Variants in STAG1 observed in about 807,000 individuals in gnomAD.
The protein encoded by STAG1 is STAG1 cohesin complex component, also known as cohesin subunit SA-1.
STAG1 carries 26 observed loss-of-function variants against 170.9 expected under a neutral mutation model. That is an observed-to-expected ratio of 0.15 (90% CI 0.11 to 0.21). STAG1 has a LOEUF of 0.21. STAG1 is among the 10% of genes least tolerant of loss of function. STAG1 has a pLI of 1.00. For synonymous variants in STAG1, 514 were observed against 497.7 expected, an observed-to-expected ratio of 1.03 and a Z score of -0.44; for missense variants, 964 against 1,509.5, an observed-to-expected ratio of 0.64 and a Z score of 5.99.
chr3:136,650,308 C>T (rs1941173403), intron 1 of STAG1, among the ~76,000 whole-genome samples: 1 of 148,818 alleles, frequency 6.7e-6, no homozygotes, highest in South Asian at 2.1e-4. Context: ...AATAACAATA[C>T]AAAAATAAAA....
chr3:136,508,868 G>A (rs1933904045), intron 7 of STAG1, among the ~76,000 whole-genome samples: 1 of 152,220 alleles, frequency 6.6e-6, no homozygotes, highest in Admixed American at 6.5e-5. Context: ...GTGTGTGTGT[G>A]TCTGTGTGCG....
chr3:136,633,611 A>C (rs772418705), intron 1 of STAG1, among the ~76,000 whole-genome samples: 1 of 150,740 alleles, frequency 6.6e-6, no homozygotes, highest in African/African-American at 2.4e-5. Flanking sequence ...GGGACAGGAC[A>C]ATCACTTGAA....
chr3:136,371,390 T>C (rs1021465874), intron 23 of STAG1, among the ~76,000 whole-genome samples: 1 of 152,226 alleles, frequency 6.6e-6, no homozygotes, highest in African/African-American at 2.4e-5. Flanking sequence ...TTGGCTTTTG[T>C]TGCCATTGCT....
chr3:136,605,403 T>C (rs2107809576), intron 3 of STAG1, among the ~76,000 whole-genome samples: 1 of 152,360 alleles, frequency 6.6e-6, no homozygotes, highest in East Asian at 1.9e-4. Flanking sequence ...ATTTCATTCA[T>C]TCATACATTC....
chr3:136,402,254 G>A (rs549409467), intron 21 of STAG1, among the ~76,000 whole-genome samples: 1 of 151,894 alleles, frequency 6.6e-6, no homozygotes, highest in African/African-American at 2.4e-5. Flanking sequence ...GTCTCACTCT[G>A]TCACCCAGGC....
intron 1 of STAG1, among the ~76,000 whole-genome samples, chr3:136,699,355 T>C (rs1942981931): frequency 6.6e-6 from 1 of 152,184 alleles, no homozygotes; most frequent in Non-Finnish European, 1.5e-5. Flanking sequence ...CCATCAAATA[T>C]TATTACTATC....
At chr3:136,384,703 G>A (rs571547860) in intron 22 of STAG1, among the ~76,000 whole-genome samples, 1 of 151,968 alleles carries the variant, frequency 6.6e-6, no homozygotes, top group East Asian at 1.9e-4. Flanking sequence ...GGGAGGCGGA[G>A]GTTGCAGTAA....
At chr3:136,531,417 A>C (rs573392623) in intron 6 of STAG1, among the ~76,000 whole-genome samples, 2,940 of 150,108 alleles carry the variant, frequency 0.02, 91 homozygotes, top group African/African-American at 0.066. Flanking sequence ...TGGGTATATA[A>C]CCAAAGGACT....
intron 1 of STAG1, among the ~76,000 whole-genome samples, chr3:136,694,115 CTAGG>C (rs1643989190): frequency 6.6e-6 from 1 of 152,170 alleles, no homozygotes; most frequent in Non-Finnish European, 1.5e-5. Flanking sequence ...TCATTTGGCT[CTAGG>C]ATACAAGCTT....
At chr3:136,464,739 G>A (rs984734970) in intron 13 of STAG1, 142 bp downstream of exon 13, 6 of 597,578 alleles carry the variant, frequency 1.0e-5, no homozygotes, top group Non-Finnish European at 1.7e-5. Context: ...TACATAGGCT[G>A]TGAGGCTGTT....
At chr3:136,503,532 G>A (rs971781487) in intron 7 of STAG1, among the ~76,000 whole-genome samples, 2 of 152,066 alleles carry the variant, frequency 1.3e-5, no homozygotes, top group African/African-American at 4.8e-5. Context: ...GTGAGAATAT[G>A]GGAAATACAG....
chr3:136,664,220 C>T (rs1941677726), intron 1 of STAG1, among the ~76,000 whole-genome samples: 1 of 152,138 alleles, frequency 6.6e-6, no homozygotes, highest in Non-Finnish European at 1.5e-5. Context: ...AAGCTATGTC[C>T]TATTTCACGG....
intron 4 of STAG1, among the ~76,000 whole-genome samples, chr3:136,573,415 T>C (rs1937339750): frequency 6.6e-6 from 1 of 151,848 alleles, no homozygotes. Context: ...AAAAGAAAAT[T>C]CAAGCAACCA....
At chr3:136,702,586 A>G (rs1943115806) in intron 1 of STAG1, among the ~76,000 whole-genome samples, 2 of 152,082 alleles carry the variant, frequency 1.3e-5, no homozygotes, top group Admixed American at 6.5e-5. Context: ...GGTTTTCACC[A>G]TGTCGGCCAG....
intron 15 of STAG1, among the ~76,000 whole-genome samples, chr3:136,439,251 T>G (rs1222210178): frequency 6.6e-6 from 1 of 151,178 alleles, no homozygotes; most frequent in South Asian, 2.1e-4. Context: ...ATTTTACAGT[T>G]TAAGAAGCTG....
chr3:136,615,780 AAAAAAAAAGAAAATG>A (rs927076128), intron 3 of STAG1, among the ~76,000 whole-genome samples: 2 of 151,624 alleles, frequency 1.3e-5, no homozygotes, highest in Admixed American at 6.6e-5. Flanking sequence ...TCCAAATCAA[AAAAAAAAAGAAAATG>A]AAAAAAAAGA....
At chr3:136,498,022 G>T (rs1011302280) in intron 9 of STAG1, among the ~76,000 whole-genome samples, 1 of 143,640 alleles carries the variant, frequency 7.0e-6, no homozygotes, top group Non-Finnish European at 1.5e-5. Context: ...GAGAAACTCC[G>T]TCTCTACTAA....
intron 1 of STAG1, among the ~76,000 whole-genome samples, chr3:136,652,895 C>T (rs1218783497): frequency 6.6e-6 from 1 of 152,086 alleles, no homozygotes; most frequent in Non-Finnish European, 1.5e-5. Context: ...GAAGTAGCAT[C>T]CTCCTAAACT....
intron 24 of STAG1, among the ~76,000 whole-genome samples, chr3:136,368,477 G>A (rs1043454229): frequency 6.6e-6 from 1 of 152,178 alleles, no homozygotes; most frequent in Non-Finnish European, 1.5e-5. Context: ...CTTAGGAACA[G>A]AAAGGAACCT....
Sources: allele counts gnomAD v4.1 joint callset (sites outside exome capture counted in the v4.1 genomes callset), GRCh38; gene constraint gnomAD v4.1.1; transcripts MANE v1.5; gene names NCBI Gene and HGNC (gene_info 2026-07-23, HGNC 2026-07-21).